ARHGEF38: variants seen among roughly 807,000 people sequenced by gnomAD.
The protein encoded by ARHGEF38 is Rho guanine nucleotide exchange factor 38.
Under a neutral mutation model 79.9 loss-of-function variants are expected in ARHGEF38, and 79 were observed. That is an observed-to-expected ratio of 0.99 (90% CI 0.82 to 1.19). The LOEUF (loss-of-function observed/expected upper bound fraction) is 1.19, where lower values mean the gene tolerates loss of function less well. ARHGEF38 is among the 50% of genes most tolerant of loss of function. The pLI is 0.00. For synonymous variants in ARHGEF38, 366 were observed against 328.3 expected, an observed-to-expected ratio of 1.11 and a Z score of -1.24; for missense variants, 962 against 907.2, an observed-to-expected ratio of 1.06 and a Z score of -0.78.
At chr4:105,661,783 T>C (rs947595169) in intron 10 of ARHGEF38, among the ~76,000 whole-genome samples, 6 of 152,116 alleles carry the variant, frequency 3.9e-5, no homozygotes, top group African/African-American at 1.4e-4. Flanking sequence ...ACCATTTTTC[T>C]AACCTGTATT....
intron 1 of ARHGEF38, among the ~76,000 whole-genome samples, chr4:105,558,736 G>C (rs1199933015): frequency 6.6e-6 from 1 of 151,890 alleles, no homozygotes; most frequent in Non-Finnish European, 1.5e-5. Flanking sequence ...TATTGTGATG[G>C]GCAAATTTAT....
Position 105,647,888 on chromosome 4 carries a change from A to ATTT in ARHGEF38, c.875-644_875-642dup, listed in dbSNP as rs769532644. ...ACAGTTGTCTTGTCTTTTCTTTTCTATTTTTTTTTTTTTTTTTTTGAGACA... is the reference window on the plus strand; with the variant it reads ...ACAGTTGTCTTGTCTTTTCTTTTCTATTTTTTTTTTTTTTTTTTTTTTGAGACA... On this transcript the variant is annotated intron_variant, in intron 6 of 13. Transcript: ENST00000420470. Among the ~76,000 whole-genome samples, 162 of 119,544 alleles carry ATTT rather than the reference A, an allele frequency of 1.4e-3. 2 individuals are homozygous for ATTT. The highest frequency in any genetic ancestry group is 4.9e-3 in the African/African-American group (154 of 31,458). 78.4% of individuals were successfully genotyped at this position (119,544 alleles called of 152,430 possible). A position where few individuals can be genotyped will look rare whatever the true frequency, so the allele number is the denominator to read the frequency against.
At chr4:105,648,703 A>G in intron 7 of ARHGEF38, 21 bp downstream of exon 7, 3 of 1,493,924 alleles carry the variant, frequency 2.0e-6, no homozygotes, top group Non-Finnish European at 2.7e-6. Flanking sequence ...TTCTTGGACC[A>G]CCCACCTTTT....
At chr4:105,628,573 C>G (rs1409020170) in intron 3 of ARHGEF38, among the ~76,000 whole-genome samples, 4 of 152,148 alleles carry the variant, frequency 2.6e-5, no homozygotes, top group African/African-American at 9.7e-5. Flanking sequence ...AGGATGAACT[C>G]TATAGGATAT....
At chr4:105,563,998 A>T (rs1193993360) in intron 1 of ARHGEF38, among the ~76,000 whole-genome samples, 2 of 152,212 alleles carry the variant, frequency 1.3e-5, no homozygotes, top group African/African-American at 4.8e-5. Context: ...ACTCCTTGTC[A>T]TCACTAACTA....
chr4:105,584,132 CA>C (rs988340451), intron 1 of ARHGEF38, among the ~76,000 whole-genome samples: 1 of 152,054 alleles, frequency 6.6e-6, no homozygotes, highest in South Asian at 2.1e-4. Context: ...GCTGTTGTTA[CA>C]AAAAAGATCC....
intron 10 of ARHGEF38, among the ~76,000 whole-genome samples, chr4:105,662,760 A>C (rs941754729): frequency 6.6e-6 from 1 of 152,162 alleles, no homozygotes; most frequent in African/African-American, 2.4e-5. Context: ...GTTCAGAACA[A>C]AGTTGAGCTT....
intron 10 of ARHGEF38, among the ~76,000 whole-genome samples, chr4:105,660,148 C>T (rs1172481560): frequency 6.6e-6 from 1 of 151,950 alleles, no homozygotes; most frequent in Non-Finnish European, 1.5e-5. Flanking sequence ...ATTGAATAAA[C>T]GAGGGCTATG....
rs35842406 is a variant in ARHGEF38 at position 105,659,886 on chromosome 4, T to TGTGTGCGC, written c.1545+523_1545+524insGTGCGCGT. On this transcript the variant is annotated intron_variant, in intron 10 of 13. Coordinates refer to ENST00000420470, the MANE Select transcript of ARHGEF38 (RefSeq NM_001242729.2). ...GTGTGTGTGTGTGTGTGTGTGTGTG[T>TGTGTGCGC]GTAGCTTCGCCTCCCATTAGGATAT... Among the ~76,000 whole-genome samples the TGTGTGCGC allele has an allele frequency of 3.5e-4, 53 of 150,640 alleles. 2 individuals are homozygous for TGTGTGCGC. Among genetic ancestry groups the TGTGTGCGC allele is most frequent in the Admixed American group, 2.2e-3 (34 of 15,122 alleles).
intron 1 of ARHGEF38, among the ~76,000 whole-genome samples, chr4:105,557,941 G>T (rs1425448208): frequency 1.3e-5 from 2 of 152,116 alleles, no homozygotes; most frequent in Admixed American, 6.6e-5. Flanking sequence ...AGGTGAAAAG[G>T]TGAGAATACA....
intron 13 of ARHGEF38, among the ~76,000 whole-genome samples, chr4:105,673,661 C>G (rs1731025968): frequency 2.0e-5 from 3 of 151,894 alleles, no homozygotes; most frequent in Admixed American, 2.0e-4. Context: ...ATTACCACTT[C>G]AGGTAGGTAG....
chr4:105,621,375 A>T (rs56309008), intron 3 of ARHGEF38, among the ~76,000 whole-genome samples: 3,507 of 152,350 alleles, frequency 0.023, 126 homozygotes, highest in African/African-American at 0.072. Flanking sequence ...TGTCATGAAC[A>T]TGCTTGAGTC....
At chr4:105,611,407 C>T (rs559543430) in intron 2 of ARHGEF38, among the ~76,000 whole-genome samples, 1 of 151,816 alleles carries the variant, frequency 6.6e-6, no homozygotes, top group African/African-American at 2.4e-5. Context: ...GTTATTATAC[C>T]TTTGTGGATT....
chr4:105,662,325 A>G (rs954530415), intron 10 of ARHGEF38, among the ~76,000 whole-genome samples: 1 of 152,138 alleles, frequency 6.6e-6, no homozygotes, highest in African/African-American at 2.4e-5. Context: ...TGAGATAAAA[A>G]TTGAGACTAC....
intron 1 of ARHGEF38, among the ~76,000 whole-genome samples, chr4:105,574,637 T>G (rs1413944089): frequency 6.6e-6 from 1 of 152,070 alleles, no homozygotes; most frequent in African/African-American, 2.4e-5. Context: ...CTTTCACCAT[T>G]AAGTATGATG....
chr4:105,616,314 G>T (rs979245162), intron 3 of ARHGEF38, among the ~76,000 whole-genome samples: 1 of 152,086 alleles, frequency 6.6e-6, no homozygotes, highest in South Asian at 2.1e-4. Context: ...ACCTGAGACT[G>T]GGTAATTTAT....
chr4:105,567,751 AAATT>A (rs891756642), intron 1 of ARHGEF38, among the ~76,000 whole-genome samples: 1 of 152,198 alleles, frequency 6.6e-6, no homozygotes, highest in African/African-American at 2.4e-5. Context: ...GTAATTTAAA[AAATT>A]AATATTAAAT....
chr4:105,639,041 G>A (rs1211927478), intron 5 of ARHGEF38, among the ~76,000 whole-genome samples: 1 of 151,780 alleles, frequency 6.6e-6, no homozygotes, highest in Non-Finnish European at 1.5e-5. Flanking sequence ...CTACTCTTAT[G>A]TCAATTGTTC....
At chr4:105,591,098 T>G (rs1183678344) in intron 2 of ARHGEF38, among the ~76,000 whole-genome samples, 1 of 152,204 alleles carries the variant, frequency 6.6e-6, no homozygotes, top group Non-Finnish European at 1.5e-5. Context: ...TATCCAACTT[T>G]ATTGATTCTG....
Sources: allele counts gnomAD v4.1 joint callset (sites outside exome capture counted in the v4.1 genomes callset), GRCh38; gene constraint gnomAD v4.1.1; transcripts MANE v1.5; gene names NCBI Gene and HGNC (gene_info 2026-07-23, HGNC 2026-07-21).